The following DLG2 variants were observed in gnomAD, a reference collection of about 807,000 sequenced individuals.
The protein encoded by DLG2 is disks large homolog 2.
DLG2 carries 45 observed loss-of-function variants against 132.5 expected under a neutral mutation model. That is an observed-to-expected ratio of 0.34 (90% CI 0.27 to 0.44). DLG2 has a LOEUF of 0.44. Among genes scored for constraint, DLG2 ranks in the 20% least tolerant of loss-of-function variants. The pLI is 1.00. For missense variants in DLG2, 1,045 were observed against 1,196.9 expected (o/e 0.87, Z 1.87); for synonymous variants, 424 against 419.6 (o/e 1.01, Z -0.13).
intron 4 of DLG2, among the ~76,000 whole-genome samples, chr11:85,161,341 C>T (rs1284534660): frequency 6.6e-6 from 1 of 152,166 alleles, no homozygotes; most frequent in African/African-American, 2.4e-5. Context: ...CAGTTCCACT[C>T]ACCAAGGCTG....
chr11:84,697,162 T>C (rs1009994061), intron 6 of DLG2, among the ~76,000 whole-genome samples: 1 of 151,448 alleles, frequency 6.6e-6, no homozygotes, highest in Non-Finnish European at 1.5e-5. Context: ...AGAAACCTAA[T>C]CAGTTACCAA....
intron 6 of DLG2, among the ~76,000 whole-genome samples, chr11:84,814,191 T>A (rs1417385357): frequency 6.6e-6 from 1 of 152,062 alleles, no homozygotes; most frequent in Non-Finnish European, 1.5e-5. Context: ...CTGTGATCAT[T>A]CATGTGAATT....
chr11:83,675,659 C>T (rs866014336), intron 18 of DLG2, among the ~76,000 whole-genome samples: 1 of 152,162 alleles, frequency 6.6e-6, no homozygotes, highest in Non-Finnish European at 1.5e-5. Flanking sequence ...TTTTCAACAA[C>T]AAATTTTTGT....
chr11:83,884,385 T>TG (rs1270927657), intron 15 of DLG2, among the ~76,000 whole-genome samples: 1 of 151,168 alleles, frequency 6.6e-6, no homozygotes, highest in Non-Finnish European at 1.5e-5. Context: ...GCAGCGAGGC[T>TG]AGGGGGAGGG....
chr11:84,882,247 C>G (rs17147698), intron 6 of DLG2, among the ~76,000 whole-genome samples: 12,178 of 151,854 alleles, frequency 0.08, 1,050 homozygotes, highest in African/African-American at 0.21. Flanking sequence ...TCCCAAGGCA[C>G]AGCAAATGTC....
intron 7 of DLG2, among the ~76,000 whole-genome samples, chr11:84,529,787 A>C (rs1277996172): frequency 6.6e-6 from 1 of 152,234 alleles, no homozygotes; most frequent in East Asian, 1.9e-4. Flanking sequence ...GAATTAGAGA[A>C]GAACAATTAA....
intron 16 of DLG2, among the ~76,000 whole-genome samples, chr11:83,838,269 G>T (rs1171981773): frequency 6.6e-6 from 1 of 152,108 alleles, no homozygotes; most frequent in African/African-American, 2.4e-5. Flanking sequence ...TGTTAATAGT[G>T]GAATCTAGGT....
At chr11:83,513,405 T>A (rs1372743421) in intron 21 of DLG2, among the ~76,000 whole-genome samples, 1 of 152,210 alleles carries the variant, frequency 6.6e-6, no homozygotes, top group South Asian at 2.1e-4. Flanking sequence ...TTTGTTGGAG[T>A]TCATTGTAGA....
At chr11:83,867,636 T>C (rs902115059) in intron 16 of DLG2, among the ~76,000 whole-genome samples, 2 of 152,210 alleles carry the variant, frequency 1.3e-5, no homozygotes, top group Non-Finnish European at 2.9e-5. Context: ...ATTTTGTTAG[T>C]CCTTGAAATT....
At chr11:84,460,988 G>A (rs1057426823) in intron 7 of DLG2, among the ~76,000 whole-genome samples, 21 of 150,630 alleles carry the variant, frequency 1.4e-4, no homozygotes, top group Non-Finnish European at 2.4e-4. Context: ...ACTTTAATCA[G>A]TTCGACCTAA....
chr11:83,688,688 A>C (rs866936163), intron 18 of DLG2, among the ~76,000 whole-genome samples: 1 of 152,360 alleles, frequency 6.6e-6, no homozygotes, highest in South Asian at 2.1e-4. Context: ...TGTCATATAC[A>C]TCATTAATAT....
chr11:85,412,689 C>T (rs925297446), intron 3 of DLG2, among the ~76,000 whole-genome samples: 2 of 145,460 alleles, frequency 1.4e-5, no homozygotes, highest in African/African-American at 2.5e-5. Flanking sequence ...TCTGTGAATG[C>T]TGCTAACTCA....
At chr11:85,201,614 G>T (rs1271025753) in intron 4 of DLG2, among the ~76,000 whole-genome samples, 1 of 152,120 alleles carries the variant, frequency 6.6e-6, no homozygotes, top group Non-Finnish European at 1.5e-5. Context: ...TCTCTGGAAG[G>T]TCCTCTAAAG....
At chr11:84,581,590 C>A (rs948695602) in intron 6 of DLG2, among the ~76,000 whole-genome samples, 2 of 152,062 alleles carry the variant, frequency 1.3e-5, no homozygotes, top group African/African-American at 2.4e-5. Context: ...CATGCAAAAT[C>A]TATGCTGAAT....
chr11:84,555,278 C>T (rs1268363723), intron 6 of DLG2, among the ~76,000 whole-genome samples: 1 of 151,990 alleles, frequency 6.6e-6, no homozygotes, highest in African/African-American at 2.4e-5. Context: ...TATTATCTAG[C>T]AAACCCACTT....
chr11:84,539,171 T>C (rs2099362222), intron 6 of DLG2, among the ~76,000 whole-genome samples: 1 of 152,184 alleles, frequency 6.6e-6, no homozygotes, highest in Admixed American at 6.5e-5. Context: ...ATTCTCTTTA[T>C]CTTAGACTCA....
chr11:84,089,850 G>T (rs1473971143), intron 10 of DLG2, among the ~76,000 whole-genome samples: 7 of 152,090 alleles, frequency 4.6e-5, no homozygotes, highest in Admixed American at 2.0e-4. Flanking sequence ...TTTCTACATG[G>T]TGCTTTTGTG....
intron 19 of DLG2, among the ~76,000 whole-genome samples, chr11:83,571,864 T>A (rs1183847174): frequency 1.3e-5 from 2 of 152,082 alleles, no homozygotes; most frequent in African/African-American, 4.8e-5. Context: ...ATATTTCATG[T>A]TTATCTTTTA....
chr11:83,854,158 T>C (rs978179687), intron 16 of DLG2, among the ~76,000 whole-genome samples: 3 of 152,034 alleles, frequency 2.0e-5, no homozygotes, highest in Admixed American at 6.6e-5. Flanking sequence ...CATACTTAGT[T>C]ATAAAGCTAA....
Sources: allele counts gnomAD v4.1 joint callset (sites outside exome capture counted in the v4.1 genomes callset), GRCh38; gene constraint gnomAD v4.1.1; transcripts MANE v1.5; gene names NCBI Gene and HGNC (gene_info 2026-07-23, HGNC 2026-07-21).